Variants in AZI2 observed in about 807,000 individuals in gnomAD.
AZI2 encodes the protein 5-azacytidine induced 2.
A neutral mutation model predicts 45.8 loss-of-function variants in AZI2; 22 were observed. The ratio of observed to expected loss-of-function variants is 0.48; its 90% CI spans 0.34 to 0.69. The LOEUF is 0.69. Ranked by LOEUF, AZI2 falls within the 30% of genes least tolerant of loss-of-function variation. The pLI, the probability that AZI2 is intolerant of heterozygous loss-of-function variation, is 0.01. For synonymous variants in AZI2, 137 were observed against 156.7 expected (o/e 0.87, Z 0.94); for missense variants, 417 against 441.5 (o/e 0.94, Z 0.50).
At chr3:28,340,645 G>A in intron 1 of AZI2, 23 bp from the exon 2 acceptor site, 6 of 1,529,636 alleles carry the variant, frequency 3.9e-6, no homozygotes, top group Non-Finnish European at 5.3e-6. Context: ...AAAAAAATAT[G>A]AGTGACAAAT....
intron 3 of AZI2, among the ~76,000 whole-genome samples, 191 bp from the exon 4 acceptor site, chr3:28,338,227 A>G (rs1436410692): frequency 1.3e-5 from 2 of 152,094 alleles, no homozygotes; most frequent in Non-Finnish European, 2.9e-5. Flanking sequence ...TGGCTTAAAA[A>G]AAAAAAAAGA....
At chr3:28,341,243 ATC>A (rs1433025808) in intron 1 of AZI2, among the ~76,000 whole-genome samples, 2 of 152,100 alleles carry the variant, frequency 1.3e-5, no homozygotes, top group African/African-American at 2.4e-5. Context: ...TTTTAATATT[ATC>A]TCTTTTAATT....
intron 1 of AZI2, among the ~76,000 whole-genome samples, chr3:28,342,430 C>T (rs1433294437): frequency 1.3e-5 from 2 of 151,816 alleles, no homozygotes; most frequent in East Asian, 1.9e-4. Flanking sequence ...TACAGTATAC[C>T]AAAAAAGTGG....
rs372843871 is a variant in AZI2 at position 28,336,773 on chromosome 3, G to A, written c.552C>T (p.Ser184=). The stretch of plus-strand genomic sequence containing the variant: ...CTTTCTGTAGTTCTATTTTGAGATC[G>A]CTACATTCTTTCCTCATCAGTTCCA... ...QELELMRKEC[S]DLKIELQKAK... Residue 184 remains serine (S), a synonymous_variant, in exon 5 of 8, where the codon AGC becomes AGT. Transcript: ENST00000479665. The A allele has an allele frequency of 5.3e-5, 85 of 1,612,800 alleles. No homozygotes were observed. Among genetic ancestry groups the A allele is most frequent in the African/African-American group, 5.2e-4 (39 of 74,834 alleles).
chr3:28,332,889 C>T (rs1308788774), intron 5 of AZI2, among the ~76,000 whole-genome samples: 2 of 151,772 alleles, frequency 1.3e-5, no homozygotes, highest in Non-Finnish European at 2.9e-5. Context: ...TGTTGTAAAA[C>T]ATCAGCATAC....
At chr3:28,336,081 G>C (rs73825128) in intron 5 of AZI2, among the ~76,000 whole-genome samples, 9,251 of 152,076 alleles carry the variant, frequency 0.061, 897 homozygotes, top group African/African-American at 0.2. Context: ...ATCCAAGCTT[G>C]TTAGAACCTG....
Position 28,323,523 on chromosome 3 carries a change from C to T in AZI2, c.*519G>A, listed in dbSNP as rs921385794. 1 of 151,338 alleles carries T rather than the reference C, an allele frequency of 6.6e-6. No individual in the cohort carries two copies. The highest frequency in any genetic ancestry group is 2.4e-5 in the African/African-American group (1 of 41,254). 9.4% of individuals were successfully genotyped at this position (151,338 alleles called of 1,614,324 possible). ...ACTTTAAATCTTAAATATTGAAACG[C>T]AATAGCATATAAAGATGGTATAACC... On this transcript the variant is annotated 3_prime_UTR_variant, in exon 8 of 8. Transcript: ENST00000479665.
chr3:28,331,741 TTAACA>T (rs1703581335), intron 6 of AZI2: 1 of 1,431,064 alleles, frequency 7.0e-7, no homozygotes, highest in Non-Finnish European at 9.2e-7. Flanking sequence ...AGAGGCTATC[TTAACA>T]TAGTAGAAAC....
At position 28,322,986 on chromosome 3, in the gene AZI2, CCTT is replaced by C. The variant is rs1257103803; in HGVS notation, c.*1053_*1055del. 6.6e-6 allele frequency: 1 copy of C among 150,468 alleles called. No individual in the cohort carries two copies. The highest frequency in any genetic ancestry group is 6.7e-5 in the Admixed American group (1 of 14,988). The allele number at this position is 150,468 out of a possible 1,614,324, so 9.3% of individuals were successfully genotyped here. On this transcript the variant is annotated 3_prime_UTR_variant, in exon 8 of 8. Transcript: ENST00000479665. ...TTTCCATGTGAAGCCATCTTTATTT[CCTT>C]CTTTATTTCCAAATAATTGGCCACT... is the stretch of plus-strand genomic sequence containing the variant.
intron 2 of AZI2, among the ~76,000 whole-genome samples, chr3:28,339,848 T>C (rs1212372313): frequency 1.3e-5 from 2 of 152,104 alleles, no homozygotes; most frequent in African/African-American, 2.4e-5. Flanking sequence ...GTGCTTTATA[T>C]TGAATCAGCT....
intron 2 of AZI2, 94 bp downstream of exon 2, chr3:28,340,308 T>C (rs1703961267): frequency 2.3e-6 from 2 of 853,380 alleles, no homozygotes; most frequent in Non-Finnish European, 1.8e-6. Flanking sequence ...TTTAGTACAA[T>C]CATGGAAGAC....
At position 28,336,811 on chromosome 3, in the gene AZI2, A is replaced by T. The variant is rs1577132690; in HGVS notation, c.514T>A (p.Leu172Met). Residue 172 changes from leucine to methionine, a missense_variant, in exon 5 of 8, where the codon TTG (leucine) becomes ATG (methionine). Coordinates refer to ENST00000479665, the MANE Select transcript of AZI2 (RefSeq NM_022461.5). Reference protein sequence around the residue: ...KLSCDLKIHGLEQELELMRKE... With the variant: ...KLSCDLKIHGMEQELELMRKE... Reference sequence around the variant, plus strand: ...CTCATCAGTTCCAGCTCTTGTTCCAAACCATGGATCTTCAGGTCACAGCTC... The same window carrying T: ...CTCATCAGTTCCAGCTCTTGTTCCATACCATGGATCTTCAGGTCACAGCTC... The T allele has an allele frequency of 6.2e-7, 1 of 1,613,454 alleles. No homozygotes were observed. Among genetic ancestry groups the T allele is most frequent in the Non-Finnish European group, 8.5e-7 (1 of 1,179,656 alleles).
intron 6 of AZI2, among the ~76,000 whole-genome samples, chr3:28,327,860 A>C (rs1359541146): frequency 6.6e-6 from 1 of 150,722 alleles, no homozygotes; most frequent in Admixed American, 6.7e-5. Context: ...AACATTAAAA[A>C]AAAATTATTA....
chr3:28,336,888 A>G lies in AZI2; in HGVS notation c.440-3T>C. The G allele has an allele frequency of 6.2e-7, 1 of 1,612,134 alleles. No individual in the cohort carries two copies. The highest frequency in any genetic ancestry group is 8.5e-7 in the Non-Finnish European group (1 of 1,179,018). ...AGGTGGATTTAAATTCCTCATCACT[A>G]CAAAAAGGATGGACACTGAAATTGT... On this transcript the variant is annotated splice_region_variant and splice_polypyrimidine_tract_variant and intron_variant, in intron 4 of 7. Transcript: ENST00000479665.
At chr3:28,341,995 C>T (rs1182256107) in intron 1 of AZI2, among the ~76,000 whole-genome samples, 2 of 152,030 alleles carry the variant, frequency 1.3e-5, no homozygotes, top group African/African-American at 2.4e-5. Flanking sequence ...GTTTCCAACC[C>T]GTGTTTCACT....
Position 28,323,287 on chromosome 3 carries a change from A to G in AZI2, c.*755T>C, listed in dbSNP as rs549200286. ...CTGAAATCTGTGTGATGCTCCTTCT[A>G]CTACTTATTGAATAGTGTGTAGGGT... On this transcript the variant is annotated 3_prime_UTR_variant, in exon 8 of 8. Transcript: ENST00000479665. 3 of 151,020 alleles carry G rather than the reference A, an allele frequency of 2.0e-5. No individual in the cohort carries two copies. The highest frequency in any genetic ancestry group is 4.8e-5 in the African/African-American group (2 of 41,286). The allele number at this position is 151,020 out of a possible 1,614,324, so 9.4% of individuals were successfully genotyped here. A position where few individuals can be genotyped will look rare whatever the true frequency, so the allele number is the denominator to read the frequency against.
chr3:28,331,630 C>A (rs1703574823), intron 6 of AZI2: 2 of 1,181,514 alleles, frequency 1.7e-6, no homozygotes, highest in South Asian at 6.1e-5. Context: ...TGGCCTGACA[C>A]AATTCACATT....
intron 3 of AZI2, 148 bp from the exon 4 acceptor site, chr3:28,338,184 T>C (rs1577134556): frequency 2.0e-6 from 1 of 512,608 alleles, no homozygotes; most frequent in Non-Finnish European, 3.2e-6. Flanking sequence ...AATGTCTTTT[T>C]TTCTTTTCCT....
chr3:28,329,044 C>T (rs895529147), intron 6 of AZI2, among the ~76,000 whole-genome samples: 2 of 151,134 alleles, frequency 1.3e-5, no homozygotes, highest in Non-Finnish European at 1.5e-5. Flanking sequence ...GCTTTAAATG[C>T]CACACAAGCA....
Sources: gnomAD v4.1 joint callset for allele counts (sites outside exome capture counted in the v4.1 genomes callset) on GRCh38, gnomAD v4.1.1 for gene constraint, MANE v1.5 for transcripts, NCBI Gene and HGNC (gene_info 2026-07-23, HGNC 2026-07-21) for gene names.